NRG1: variants seen among roughly 807,000 people sequenced by gnomAD.
NRG1 encodes the protein neuregulin 1, also known as pro-neuregulin-1, membrane-bound isoform.
A neutral mutation model predicts 63.8 loss-of-function variants in NRG1; 18 were observed. That is an observed-to-expected ratio of 0.28 (90% CI 0.19 to 0.42). The LOEUF (loss-of-function observed/expected upper bound fraction) is 0.42. Ranked by LOEUF, NRG1 falls within the 10% of genes least tolerant of loss-of-function variation. The pLI is 1.00. For synonymous variants in NRG1, 302 were observed against 301.3 expected, an observed-to-expected ratio of 1.00 and a Z score of -0.02; for missense variants, 762 against 814.7, an observed-to-expected ratio of 0.94 and a Z score of 0.79.
At chr8:32,300,099 C>G (rs1005536357) in intron 1 of NRG1, among the ~76,000 whole-genome samples, 2 of 152,084 alleles carry the variant, frequency 1.3e-5, no homozygotes, top group Admixed American at 6.5e-5. Context: ...TGTTCTCCCC[C>G]ACACCTTCTC....
chr8:32,691,495 C>T (rs895630202), intron 5 of NRG1, among the ~76,000 whole-genome samples: 5 of 152,172 alleles, frequency 3.3e-5, no homozygotes, highest in Non-Finnish European at 7.3e-5. Flanking sequence ...CTTCAAATTG[C>T]ACTAGTCATG....
chr8:32,164,828 A>G (rs1446445455), intron 1 of NRG1, among the ~76,000 whole-genome samples: 1 of 152,148 alleles, frequency 6.6e-6, no homozygotes, highest in African/African-American at 2.4e-5. Flanking sequence ...TCCCATATAA[A>G]TGGTTATGCC....
intron 1 of NRG1, among the ~76,000 whole-genome samples, chr8:32,201,851 A>G (rs1383518663): frequency 2.0e-5 from 3 of 152,242 alleles, no homozygotes; most frequent in African/African-American, 7.2e-5. Context: ...ATATGGCATC[A>G]GTTGAAGGGA....
intron 1 of NRG1, among the ~76,000 whole-genome samples, chr8:31,752,490 C>A (rs1379292328): frequency 6.6e-6 from 1 of 151,996 alleles, no homozygotes; most frequent in East Asian, 1.9e-4. Flanking sequence ...ACTGTGCATT[C>A]AACATTCAGC....
At chr8:32,077,629 G>T (rs1358103109) in intron 1 of NRG1, among the ~76,000 whole-genome samples, 3 of 152,012 alleles carry the variant, frequency 2.0e-5, no homozygotes, top group Admixed American at 6.6e-5. Flanking sequence ...ATGTAATTAC[G>T]ATAGAAACTG....
intron 1 of NRG1, among the ~76,000 whole-genome samples, chr8:32,581,118 G>A (rs532379814): frequency 2.0e-5 from 3 of 152,254 alleles, no homozygotes; most frequent in South Asian, 4.2e-4. Context: ...GGAGAACAAG[G>A]ATCTTGGTTT....
intron 1 of NRG1, among the ~76,000 whole-genome samples, chr8:31,734,022 C>T (rs1207794612): frequency 6.6e-6 from 1 of 152,132 alleles, no homozygotes; most frequent in African/African-American, 2.4e-5. Context: ...TCCATCCCTG[C>T]CATGTGTGTG....
intron 6 of NRG1, among the ~76,000 whole-genome samples, chr8:32,740,184 C>T (rs1825978867): frequency 1.4e-5 from 2 of 138,436 alleles, no homozygotes; most frequent in Non-Finnish European, 3.0e-5. Flanking sequence ...AGAAATGACC[C>T]AACCTCTTTT....
chr8:31,984,588 A>T (rs971998477), intron 1 of NRG1, among the ~76,000 whole-genome samples: 19 of 152,106 alleles, frequency 1.2e-4, no homozygotes, highest in African/African-American at 4.3e-4. Flanking sequence ...CACTGGAGAG[A>T]ATGCTTGTGT....
At chr8:32,494,156 CTTCTT>C (rs1324806313) in intron 1 of NRG1, among the ~76,000 whole-genome samples, 1 of 152,050 alleles carries the variant, frequency 6.6e-6, no homozygotes, top group Non-Finnish European at 1.5e-5. Flanking sequence ...AGAAGTGTTC[CTTCTT>C]TTAAGATGCT....
chr8:32,051,390 C>T (rs891518196), intron 1 of NRG1, among the ~76,000 whole-genome samples: 1 of 152,118 alleles, frequency 6.6e-6, no homozygotes, highest in Non-Finnish European at 1.5e-5. Flanking sequence ...GATTTTGTTA[C>T]ATGCATAGAA....
intron 1 of NRG1, among the ~76,000 whole-genome samples, chr8:32,078,758 C>T (rs2131124954): frequency 6.6e-6 from 1 of 152,262 alleles, no homozygotes; most frequent in South Asian, 2.1e-4. Context: ...ATGTCCGGCC[C>T]ACTCTCCTGA....
intron 1 of NRG1, among the ~76,000 whole-genome samples, chr8:32,500,598 A>G (rs750986364): frequency 2.0e-5 from 3 of 152,236 alleles, no homozygotes; most frequent in Non-Finnish European, 4.4e-5. Context: ...TCCAAGGAGA[A>G]TAGATTCTTA....
chr8:31,692,789 A>G (rs1809658668), intron 1 of NRG1, among the ~76,000 whole-genome samples: 1 of 152,096 alleles, frequency 6.6e-6, no homozygotes, highest in Non-Finnish European at 1.5e-5. Flanking sequence ...CAGCGTGGGG[A>G]GGTGTGTAAG....
At chr8:32,760,883 T>TATGTC in intron 11 of NRG1, 1 of 997,360 alleles carries the variant, frequency 1.0e-6, no homozygotes. Flanking sequence ...AATCAAGGGC[T>TATGTC]ATGTCATTGC....
rs145406948 is a variant in NRG1 at position 32,654,123 on chromosome 8, G to A, written c.502+37238G>A. ...GGAAAAGTGAAGTGACTTGCCCAGTGTCACTACAACCAATCAGTAGCAGTG... is the reference window on the plus strand; with the variant it reads ...GGAAAAGTGAAGTGACTTGCCCAGTATCACTACAACCAATCAGTAGCAGTG... On this transcript the variant is annotated intron_variant, in intron 5 of 11. Transcript: ENST00000356819. 7.7e-3 allele frequency among the ~76,000 whole-genome samples: 1,178 copies of A among 152,228 alleles called. 5 individuals are homozygous for A. Among genetic ancestry groups the A allele is most frequent in the Middle Eastern group, 0.024 (7 of 294 alleles).
At chr8:32,110,792 C>G (rs1268380305) in intron 1 of NRG1, among the ~76,000 whole-genome samples, 1 of 152,162 alleles carries the variant, frequency 6.6e-6, no homozygotes, top group Non-Finnish European at 1.5e-5. Flanking sequence ...TCCCCACATT[C>G]ACTACCCGAA....
At chr8:32,734,608 A>G (rs1442389908) in intron 6 of NRG1, among the ~76,000 whole-genome samples, 1 of 152,228 alleles carries the variant, frequency 6.6e-6, no homozygotes, top group African/African-American at 2.4e-5. Context: ...ATGTGGATCT[A>G]GATAGTGCGC....
chr8:32,060,688 T>C, intron 1 of NRG1, among the ~76,000 whole-genome samples: 1 of 151,978 alleles, frequency 6.6e-6, no homozygotes, highest in Non-Finnish European at 1.5e-5. Flanking sequence ...GTTTCATACA[T>C]GGAGCTTACA....
Sources: gnomAD v4.1 joint callset for allele counts (sites outside exome capture counted in the v4.1 genomes callset) on GRCh38, gnomAD v4.1.1 for gene constraint, MANE v1.5 for transcripts, NCBI Gene and HGNC (gene_info 2026-07-23, HGNC 2026-07-21) for gene names.